Variants in GPM6A observed in about 807,000 individuals in gnomAD.
GPM6A encodes neuronal membrane glycoprotein M6-a.
Under a neutral mutation model 32.1 loss-of-function variants are expected in GPM6A, and 7 were observed. That is an observed-to-expected ratio of 0.22 (90% CI 0.12 to 0.41). The LOEUF is 0.41. GPM6A is among the 10% of genes least tolerant of loss of function. The probability of loss-of-function intolerance (pLI) is 1.00; values close to 1 mark genes in which losing one functional copy is unlikely to be tolerated. For missense variants in GPM6A, 235 were observed against 347.2 expected (o/e 0.68, Z 2.57); for synonymous variants, 130 against 123.4 (o/e 1.05, Z -0.35).
At chr4:175,836,008 A>C (rs1450871550) in intron 1 of GPM6A, among the ~76,000 whole-genome samples, 1 of 152,012 alleles carries the variant, frequency 6.6e-6, no homozygotes, top group Non-Finnish European at 1.5e-5. Flanking sequence ...GATCTCCATC[A>C]TGTGACTATG....
upstream of GPM6A, among the ~76,000 whole-genome samples, chr4:175,815,102 C>T (rs1036506031): frequency 3.3e-5 from 5 of 152,120 alleles, no homozygotes; most frequent in Non-Finnish European, 7.3e-5. Flanking sequence ...CTTCTGCCTC[C>T]AGGGTTTGAG....
intron 1 of GPM6A, among the ~76,000 whole-genome samples, chr4:175,833,190 G>T (rs532184853): frequency 6.6e-6 from 1 of 152,294 alleles, no homozygotes; most frequent in South Asian, 2.1e-4. Flanking sequence ...TCATCAGTAA[G>T]AAATTCTGGT....
chr4:175,864,809 A>AT (rs1278338332), intron 1 of GPM6A, among the ~76,000 whole-genome samples: 2 of 150,618 alleles, frequency 1.3e-5, no homozygotes, highest in African/African-American at 4.9e-5. Context: ...TTTTTATTTC[A>AT]TTTTTTTCTT....
At chr4:175,789,995 G>C (rs1166821155) in intron 1 of GPM6A, among the ~76,000 whole-genome samples, 1 of 152,122 alleles carries the variant, frequency 6.6e-6, no homozygotes, top group Admixed American at 6.6e-5. Flanking sequence ...ATACTGTAAG[G>C]CTGTTTCAAC....
chr4:175,700,785 A>G (rs1230505942), intron 2 of GPM6A, among the ~76,000 whole-genome samples: 1 of 152,204 alleles, frequency 6.6e-6, no homozygotes, highest in Non-Finnish European at 1.5e-5. Flanking sequence ...AAACTAATAA[A>G]TTATTTTCTT....
intron 6 of GPM6A, 75 bp downstream of exon 6, chr4:175,640,054 T>C: frequency 8.8e-7 from 1 of 1,139,338 alleles, no homozygotes; most frequent in Admixed American, 1.7e-5. Context: ...ACTTTAGAGA[T>C]AGTTTATCAT....
chr4:175,633,236 T>C lies in GPM6A; in HGVS notation c.*1669A>G, dbSNP rs1186873004. On this transcript the variant is annotated 3_prime_UTR_variant, in exon 7 of 7. Transcript: ENST00000393658. ...TAAAGAAGCCCATTAATACTTTTGC[T>C]GAATATCTGTAATACTGCATATATC... 6.6e-6 allele frequency: 1 copy of C among 152,486 alleles called. No homozygotes were observed. Among genetic ancestry groups the C allele is most frequent in the Non-Finnish European group, 1.5e-5 (1 of 67,922 alleles). 9.4% of individuals were successfully genotyped at this position (152,486 alleles called of 1,614,324 possible).
At chr4:175,676,328 C>T (rs1444361127) in intron 2 of GPM6A, among the ~76,000 whole-genome samples, 1 of 152,254 alleles carries the variant, frequency 6.6e-6, no homozygotes, top group South Asian at 2.1e-4. Context: ...GTGTGAGCCA[C>T]TACACCCAGC....
At chr4:175,773,334 C>G (rs1338537476) in intron 1 of GPM6A, among the ~76,000 whole-genome samples, 1 of 152,178 alleles carries the variant, frequency 6.6e-6, no homozygotes, top group African/African-American at 2.4e-5. Flanking sequence ...CGATCACATG[C>G]TTAGCTCTGA....
intron 1 of GPM6A, among the ~76,000 whole-genome samples, chr4:175,720,497 C>T (rs1024819718): frequency 2.6e-5 from 4 of 152,100 alleles, no homozygotes; most frequent in African/African-American, 9.7e-5. Context: ...CTAGAATATG[C>T]TTTACACTGA....
intron 1 of GPM6A, among the ~76,000 whole-genome samples, chr4:175,976,076 C>A (rs1163543675): frequency 6.6e-6 from 1 of 151,992 alleles, no homozygotes; most frequent in Non-Finnish European, 1.5e-5. Context: ...TAATAAGTCA[C>A]CTACCATGCT....
intron 1 of GPM6A, among the ~76,000 whole-genome samples, chr4:175,996,932 A>T (rs538449873): frequency 1.3e-5 from 2 of 152,122 alleles, no homozygotes; most frequent in African/African-American, 4.8e-5. Context: ...GATCATAAGA[A>T]TCTTTGCAGC....
In GPM6A at chr4:175,711,437, TATATATATATATATATATATAC is replaced by T. The variant is rs1379767556; in HGVS notation, c.38-9692_38-9671del. ...ATATATATATATATATATATATATA[TATATATATATATATATATATAC>T]ACACACATACATACATGTATATATA... On this transcript the variant is annotated intron_variant, in intron 1 of 6. Transcript: ENST00000393658. Among the ~76,000 whole-genome samples, 168 of 88,072 alleles carry T rather than the reference TATATATATATATATATATATAC, an allele frequency of 1.9e-3. 5 individuals carry two copies. The East Asian group carries it at 0.021, about 11-fold the overall frequency. 57.8% of individuals were successfully genotyped at this position (88,072 alleles called of 152,430 possible).
At chr4:175,924,692 TAGTC>T (rs1397591821) in intron 1 of GPM6A, among the ~76,000 whole-genome samples, 2 of 151,876 alleles carry the variant, frequency 1.3e-5, no homozygotes, top group Admixed American at 1.3e-4. Context: ...ATACAAAAAT[TAGTC>T]AGTCATGGTG....
intron 6 of GPM6A, among the ~76,000 whole-genome samples, chr4:175,636,285 T>TATATATATATATATACAC (rs1560840528): frequency 1.4e-5 from 2 of 138,418 alleles, no homozygotes; most frequent in African/African-American, 5.3e-5. Flanking sequence ...TATATATATA[T>TATATATATATATATACAC]ATATATATAT....
chr4:175,956,460 C>T (rs776358039), intron 1 of GPM6A, among the ~76,000 whole-genome samples: 1 of 152,094 alleles, frequency 6.6e-6, no homozygotes, highest in Non-Finnish European at 1.5e-5. Flanking sequence ...TGTTTATACT[C>T]AAATTTATGT....
At chr4:175,793,976 A>G (rs1238428982) in intron 1 of GPM6A, among the ~76,000 whole-genome samples, 2 of 151,522 alleles carry the variant, frequency 1.3e-5, no homozygotes, top group African/African-American at 4.9e-5. Flanking sequence ...ACCTTTGTCA[A>G]TTTATGTCAT....
At chr4:175,686,335 C>T (rs1019169489) in intron 2 of GPM6A, among the ~76,000 whole-genome samples, 2 of 152,144 alleles carry the variant, frequency 1.3e-5, no homozygotes, top group South Asian at 2.1e-4. Context: ...CTTCCTAATC[C>T]CTGACACCTA....
chr4:175,964,771 G>T (rs1157898423), intron 1 of GPM6A, among the ~76,000 whole-genome samples: 1 of 152,176 alleles, frequency 6.6e-6, no homozygotes, highest in Admixed American at 6.5e-5. Flanking sequence ...AAAGCAGGTT[G>T]CAGTAGCTAT....
Sources: allele counts gnomAD v4.1 joint callset (sites outside exome capture counted in the v4.1 genomes callset), GRCh38; gene constraint gnomAD v4.1.1; transcripts MANE v1.5; gene names NCBI Gene and HGNC (gene_info 2026-07-23, HGNC 2026-07-21).